ITGA9: variants seen among roughly 807,000 people sequenced by gnomAD.
The protein encoded by ITGA9 is integrin alpha-9.
Under a neutral mutation model 127.8 loss-of-function variants are expected in ITGA9, and 56 were observed. The observed-to-expected ratio is 0.44, with a 90% CI of 0.35 to 0.55. The LOEUF is 0.55. Ranked by LOEUF, ITGA9 falls within the 20% of genes least tolerant of loss-of-function variation. The pLI is 0.00. For synonymous variants in ITGA9, 508 were observed against 514.5 expected (o/e 0.99, Z 0.17); for missense variants, 1,196 against 1,347.1 (o/e 0.89, Z 1.76).
At chr3:37,676,248 GTGGAGATTTTTA>G (rs1273865908) in intron 17 of ITGA9, among the ~76,000 whole-genome samples, 1 of 152,214 alleles carries the variant, frequency 6.6e-6, no homozygotes, top group African/African-American at 2.4e-5. Context: ...TAAAACAACT[GTGGAGATTTTTA>G]CATCTTTGAG....
Position 37,785,219 on chromosome 3 carries a change from C to T in ITGA9, c.2889+141C>T, listed in dbSNP as rs185572028. On this transcript the variant is annotated intron_variant, in intron 26 of 27. Coordinates refer to ENST00000264741, the MANE Select transcript of ITGA9 (RefSeq NM_002207.3). Reference sequence around the variant, plus strand: ...TGTGGCAGACCCAAGACTATGCCTGCCTTGGCTTCCAGGCCCCCCCTGGAG... The same window carrying T: ...TGTGGCAGACCCAAGACTATGCCTGTCTTGGCTTCCAGGCCCCCCCTGGAG... 1.8e-5 allele frequency: 13 copies of T among 706,484 alleles called. No homozygotes were observed. The Admixed American group carries it at 2.2e-4, about 12-fold the overall frequency. The allele number at this position is 706,484 out of a possible 1,614,324, so 43.8% of individuals were successfully genotyped here. A position where few individuals can be genotyped will look rare whatever the true frequency, so the allele number is the denominator to read the frequency against.
In ITGA9 at chr3:37,806,344, A is replaced by G. The variant is rs936995963; in HGVS notation, c.3009+2402A>G. ...GTATGTGACTTCCTTCTGCCTTTAT[A>G]TGGGCTCTTAAAATGAGAGGAGCTG... is the stretch of plus-strand genomic sequence containing the variant. On this transcript the variant is annotated intron_variant, in intron 27 of 27. Transcript: ENST00000264741. This position sits in a 1 kb window ranked among gnomAD's most constrained non-coding sequence, Gnocchi z 4.3. The G allele has an allele frequency of 3.9e-5, 6 of 152,060 alleles. No individual in the cohort carries two copies. Among genetic ancestry groups the G allele is most frequent in the African/African-American group, 1.5e-4 (6 of 41,296 alleles). 9.4% of individuals were successfully genotyped at this position (152,060 alleles called of 1,614,324 possible).
chr3:37,473,467 C>T lies in ITGA9; in HGVS notation c.420+7C>T, dbSNP rs1579048169. ...GGCTGATGGCCGTGTGTTGGTAAGT[C>T]CCTCCTGGGGGTGCTGTGGGAAGGG... On this transcript the variant is annotated splice_region_variant and intron_variant, in intron 3 of 27. Coordinates refer to ENST00000264741, the MANE Select transcript of ITGA9 (RefSeq NM_002207.3). 12 of 1,606,198 alleles carry T rather than the reference C, an allele frequency of 7.5e-6. No individual in the cohort carries two copies. In the East Asian group the frequency reaches 2.5e-4, roughly 33 times the overall value.
At chr3:37,684,167 T>G (rs551353205) in intron 18 of ITGA9, 152 bp downstream of exon 18, 2 of 789,212 alleles carry the variant, frequency 2.5e-6, no homozygotes, top group Non-Finnish European at 4.3e-6. Context: ...CTTCCTGGGC[T>G]TAGAAAACAT....
At chr3:37,659,981 G>A (rs1386732458) in intron 17 of ITGA9, among the ~76,000 whole-genome samples, 3 of 110,788 alleles carry the variant, frequency 2.7e-5, no homozygotes, top group African/African-American at 1.2e-4. Context: ...GGAAGATGAT[G>A]TAACACACAC....
chr3:37,534,297 T>A (rs906719255), intron 14 of ITGA9, among the ~76,000 whole-genome samples: 1 of 152,274 alleles, frequency 6.6e-6, no homozygotes, highest in Non-Finnish European at 1.5e-5. Context: ...ATATTTTTAA[T>A]GTCATGAGTG....
At chr3:37,478,400 A>G (rs1462589454) in intron 3 of ITGA9, among the ~76,000 whole-genome samples, 1 of 152,238 alleles carries the variant, frequency 6.6e-6, no homozygotes, top group Non-Finnish European at 1.5e-5. Context: ...CATACAACAA[A>G]AAAGGCCTTT....
intron 16 of ITGA9, among the ~76,000 whole-genome samples, chr3:37,640,390 G>T (rs1418367219): frequency 6.6e-6 from 1 of 152,114 alleles, no homozygotes; most frequent in African/African-American, 2.4e-5. Flanking sequence ...CAACCTTAAG[G>T]GGCTGGGAGA....
At chr3:37,735,018 C>G (rs1018523695) in intron 19 of ITGA9, among the ~76,000 whole-genome samples, 1 of 152,238 alleles carries the variant, frequency 6.6e-6, no homozygotes, top group South Asian at 2.1e-4. Flanking sequence ...CCAGCGTGCA[C>G]TCCCATGTCC....
At chr3:37,456,335 C>G (rs1488735581) in intron 1 of ITGA9, among the ~76,000 whole-genome samples, 1 of 152,248 alleles carries the variant, frequency 6.6e-6, no homozygotes, top group East Asian at 1.9e-4. Context: ...CTCCCACTCC[C>G]TGAGTCTTCT....
intron 1 of ITGA9, among the ~76,000 whole-genome samples, chr3:37,466,483 C>CAAAAAAAAAAAGAAAA (rs1698372373): frequency 3.8e-5 from 1 of 26,066 alleles, no homozygotes. Context: ...GACACCATCT[C>CAAAAAAAAAAAGAAAA]AAAAAAAAAA....
At chr3:37,813,046 G>A (rs1015713233) in intron 27 of ITGA9, among the ~76,000 whole-genome samples, 1 of 152,218 alleles carries the variant, frequency 6.6e-6, no homozygotes, top group East Asian at 1.9e-4. Flanking sequence ...CTTAACCTTG[G>A]GATGTGCTAA....
rs1172224086 is a variant in ITGA9 at position 37,513,767 on chromosome 3, G to A, written c.902G>A (p.Gly301Asp). The A allele has an allele frequency of 1.9e-6, 3 of 1,613,962 alleles. No homozygotes were observed. The highest frequency in any genetic ancestry group is 2.5e-6 in the Non-Finnish European group (3 of 1,180,022). The change falls in exon 9 of 28, where the codon GGC becomes GAC. Residue 301 changes from glycine (G) to aspartate (D), a missense_variant. Physicochemically the swap from Gly to Asp is moderately conservative, Grantham distance 94. Coordinates refer to ENST00000264741, the MANE Select transcript of ITGA9 (RefSeq NM_002207.3). ...KIFQASGKKM[G>D]SYFGSSLCAV... is the part of the protein sequence containing the mutation. ...TGCAACTCAACTTGGTTGCAGATGG[G>A]CTCTTACTTCGGCTCCTCCTTGTGC... is the stretch of plus-strand genomic sequence containing the variant.
rs1277000766 is a variant in ITGA9 at position 37,819,019 on chromosome 3, C to T, written c.*30C>T. On this transcript the variant is annotated 3_prime_UTR_variant, in exon 28 of 28. Transcript: ENST00000264741. Reference sequence around the variant, plus strand: ...CCACACCAGTCACATGACCTGATCACTAGCCTGTCATCCTTGGTCTTTGTA... The same window carrying T: ...CCACACCAGTCACATGACCTGATCATTAGCCTGTCATCCTTGGTCTTTGTA... 1 of 1,441,908 alleles carries T rather than the reference C, an allele frequency of 6.9e-7. No homozygotes were observed. Among genetic ancestry groups the T allele is most frequent in the East Asian group, 2.3e-5 (1 of 44,070 alleles). 89.3% of individuals were successfully genotyped at this position (1,441,908 alleles called of 1,614,324 possible).
chr3:37,647,849 A>ATG (rs916096139), intron 16 of ITGA9, among the ~76,000 whole-genome samples: 7 of 137,202 alleles, frequency 5.1e-5, no homozygotes, highest in African/African-American at 1.4e-4. Flanking sequence ...ATGTTTATAT[A>ATG]TGTGTATATA....
intron 15 of ITGA9, among the ~76,000 whole-genome samples, chr3:37,592,464 C>T (rs919391338): frequency 3.9e-5 from 6 of 152,164 alleles, no homozygotes. Flanking sequence ...ACCCCTTAAA[C>T]ACTCCAGCCT....
intron 23 of ITGA9, among the ~76,000 whole-genome samples, chr3:37,751,306 G>A (rs969312696): frequency 3.3e-5 from 5 of 152,118 alleles, no homozygotes; most frequent in Non-Finnish European, 7.3e-5. Context: ...GAAGAAAGCC[G>A]CCAGTGTTCC....
intron 18 of ITGA9, among the ~76,000 whole-genome samples, chr3:37,698,380 C>T (rs988467155): frequency 3.9e-5 from 6 of 152,134 alleles, no homozygotes; most frequent in African/African-American, 1.4e-4. Context: ...GTTGCCATTG[C>T]TTTTGGTGTT....
chr3:37,564,427 T>A (rs907028645), intron 15 of ITGA9, among the ~76,000 whole-genome samples: 18 of 152,204 alleles, frequency 1.2e-4, no homozygotes, highest in African/African-American at 4.3e-4. Flanking sequence ...TTAGTCCTGT[T>A]GTGACTTAAT....
Sources: gnomAD v4.1 joint callset for allele counts (sites outside exome capture counted in the v4.1 genomes callset) on GRCh38, gnomAD v4.1.1 for gene constraint, Gnocchi (gnomAD v3.1) non-coding constraint, MANE v1.5 for transcripts, NCBI Gene and HGNC (gene_info 2026-07-23, HGNC 2026-07-21) for gene names.